Variants in PPARGC1A observed in about 807,000 individuals in gnomAD.
The protein encoded by PPARGC1A is PPARG coactivator 1 alpha.
Under a neutral mutation model 88.7 loss-of-function variants are expected in PPARGC1A, and 25 were observed. That is an observed-to-expected ratio of 0.28 (90% CI 0.21 to 0.39). PPARGC1A has a LOEUF of 0.39. Ranked by LOEUF, PPARGC1A falls within the 10% of genes least tolerant of loss-of-function variation. The probability of loss-of-function intolerance (pLI) is 1.00; values close to 1 mark genes in which losing one functional copy is unlikely to be tolerated. For missense variants in PPARGC1A, 880 were observed against 968.7 expected (o/e 0.91, Z 1.22); for synonymous variants, 363 against 355.6 (o/e 1.02, Z -0.24).
the PPARGC1A span, among the ~76,000 whole-genome samples, chr4:24,394,352 A>G: frequency 6.6e-6 from 1 of 152,166 alleles, no homozygotes; most frequent in Non-Finnish European, 1.5e-5. Flanking sequence ...ATACAAGGAG[A>G]GAGAAGGCAG....
the PPARGC1A span, among the ~76,000 whole-genome samples, chr4:24,110,472 T>C: frequency 6.6e-6 from 1 of 152,020 alleles, no homozygotes; most frequent in Non-Finnish European, 1.5e-5. Flanking sequence ...CTCTACCAAC[T>C]CCTGTCCCAG....
At chr4:24,170,779 G>T in the PPARGC1A span, among the ~76,000 whole-genome samples, 1 of 152,160 alleles carries the variant, frequency 6.6e-6, no homozygotes, top group African/African-American at 2.4e-5. Context: ...TTTAACACCT[G>T]ATCCATCATT....
chr4:24,285,352 T>C, the PPARGC1A span, among the ~76,000 whole-genome samples: 1 of 152,140 alleles, frequency 6.6e-6, no homozygotes, highest in Non-Finnish European at 1.5e-5. Flanking sequence ...CAGATCCTTT[T>C]TCCACATGGT....
chr4:23,809,511 G>C (rs1287896782), intron 10 of PPARGC1A, among the ~76,000 whole-genome samples: 1 of 152,008 alleles, frequency 6.6e-6, no homozygotes, highest in Non-Finnish European at 1.5e-5. Flanking sequence ...CTTAGTATAA[G>C]CTATAGCCGC....
chr4:24,357,287 AG>A, the PPARGC1A span, among the ~76,000 whole-genome samples: 1 of 152,228 alleles, frequency 6.6e-6, no homozygotes, highest in African/African-American at 2.4e-5. Flanking sequence ...GGTCACACAC[AG>A]TACTTGTCCA....
the PPARGC1A span, among the ~76,000 whole-genome samples, chr4:24,114,976 C>T: frequency 2.7e-3 from 416 of 152,240 alleles, 5 homozygotes; most frequent in East Asian, 0.051. Context: ...TGTCCAGTAG[C>T]CACTATGCTT....
At chr4:24,243,330 G>T in the PPARGC1A span, among the ~76,000 whole-genome samples, 1 of 152,074 alleles carries the variant, frequency 6.6e-6, no homozygotes, top group Non-Finnish European at 1.5e-5. Flanking sequence ...AGAGACTGTG[G>T]GTCAGAAGCA....
At chr4:24,170,168 T>C in the PPARGC1A span, among the ~76,000 whole-genome samples, 33 of 152,270 alleles carry the variant, frequency 2.2e-4, no homozygotes, top group Non-Finnish European at 4.7e-4. Flanking sequence ...TGCTATCTGA[T>C]TCTACCCAAC....
At chr4:24,144,132 T>C in the PPARGC1A span, among the ~76,000 whole-genome samples, 2 of 152,214 alleles carry the variant, frequency 1.3e-5, no homozygotes, top group African/African-American at 4.8e-5. Flanking sequence ...GATATGCAGG[T>C]AAACAATTGC....
chr4:24,359,417 A>C, the PPARGC1A span, among the ~76,000 whole-genome samples: 7 of 152,114 alleles, frequency 4.6e-5, no homozygotes, highest in African/African-American at 1.7e-4. Context: ...CCTGAACTCC[A>C]TACCCCATGT....
chr4:24,187,316 T>C, the PPARGC1A span, among the ~76,000 whole-genome samples: 2 of 152,308 alleles, frequency 1.3e-5, no homozygotes, highest in Non-Finnish European at 2.9e-5. Flanking sequence ...AGTCTTTTTA[T>C]GCCCATTATA....
intron 2 of PPARGC1A, among the ~76,000 whole-genome samples, chr4:23,882,520 G>A (rs1273965679): frequency 6.6e-6 from 1 of 151,968 alleles, no homozygotes; most frequent in Non-Finnish European, 1.5e-5. Flanking sequence ...ATAAATGCTC[G>A]TAGCATCCCC....
At chr4:24,046,952 C>T in the PPARGC1A span, among the ~76,000 whole-genome samples, 1 of 152,106 alleles carries the variant, frequency 6.6e-6, no homozygotes, top group Non-Finnish European at 1.5e-5. Flanking sequence ...CTACCTGCTA[C>T]ATGAATGAGA....
the PPARGC1A span, among the ~76,000 whole-genome samples, chr4:24,021,836 C>G: frequency 6.6e-6 from 1 of 152,212 alleles, no homozygotes; most frequent in Admixed American, 6.5e-5. Flanking sequence ...GCATCCCTGT[C>G]TCAGTTCACC....
At chr4:24,262,392 C>T in the PPARGC1A span, among the ~76,000 whole-genome samples, 2 of 152,190 alleles carry the variant, frequency 1.3e-5, no homozygotes, top group South Asian at 2.1e-4. Context: ...AGCACTTCCA[C>T]CATGAAGGTG....
chr4:24,218,914 A>C, the PPARGC1A span, among the ~76,000 whole-genome samples: 4 of 152,192 alleles, frequency 2.6e-5, no homozygotes, highest in Non-Finnish European at 4.4e-5. Flanking sequence ...TTTGAGATTC[A>C]TGCCCCAATG....
the PPARGC1A span, among the ~76,000 whole-genome samples, chr4:24,247,905 G>A: frequency 0.03 from 4,540 of 152,114 alleles, 234 homozygotes; most frequent in African/African-American, 0.1. Flanking sequence ...TGTCAACAGC[G>A]TCCCCACTGC....
the PPARGC1A span, among the ~76,000 whole-genome samples, chr4:24,279,715 C>T: frequency 6.6e-6 from 1 of 152,140 alleles, no homozygotes; most frequent in Non-Finnish European, 1.5e-5. Flanking sequence ...CCTCCGCAGT[C>T]CCCCTGCAAG....
At chr4:24,456,046 A>C in the PPARGC1A span, among the ~76,000 whole-genome samples, 1 of 152,204 alleles carries the variant, frequency 6.6e-6, no homozygotes. Flanking sequence ...ATGCTGATTA[A>C]TGCCATTAAA....
Sources: gnomAD v4.1 joint callset for allele counts (sites outside exome capture counted in the v4.1 genomes callset) on GRCh38, gnomAD v4.1.1 for gene constraint, MANE v1.5 for transcripts, NCBI Gene and HGNC (gene_info 2026-07-23, HGNC 2026-07-21) for gene names.